Variants in JCAD observed in about 807,000 individuals in gnomAD.
The protein encoded by JCAD is junctional cadherin 5 associated.
JCAD carries 40 observed loss-of-function variants against 98.0 expected under a neutral mutation model. The observed-to-expected ratio is 0.41, with a 90% CI of 0.32 to 0.53. JCAD has a LOEUF of 0.53. JCAD is among the 20% of genes least tolerant of loss of function. JCAD has a pLI of 0.31. For missense variants in JCAD, 1,705 were observed against 1,738.1 expected, an observed-to-expected ratio of 0.98 and a Z score of 0.34; for synonymous variants, 691 against 682.3, an observed-to-expected ratio of 1.01 and a Z score of -0.20.
upstream of JCAD, among the ~76,000 whole-genome samples, chr10:30,063,096 C>T (rs1440282780): frequency 6.6e-6 from 1 of 151,794 alleles, no homozygotes; most frequent in Non-Finnish European, 1.5e-5. Context: ...CTCCCATTTT[C>T]CTGCAATTTG....
chr10:30,029,017 G>A lies in JCAD; in HGVS notation c.1131C>T (p.Thr377=), dbSNP rs780930942. Reference sequence around the variant, plus strand: ...GCTGACCGCTGGCCCCAGCCTTCTCGGTCGGAGACTGCTGTTGACTGTGAC... The same window carrying A: ...GCTGACCGCTGGCCCCAGCCTTCTCAGTCGGAGACTGCTGTTGACTGTGAC... ...CGGHSQQQSP[T]EKAGASGQPP... is the part of the protein sequence containing the mutation. The change falls in exon 3 of 4, where the codon ACC becomes ACT. Residue 377 remains threonine (T), a synonymous_variant. Transcript: ENST00000375377. 40 of 1,613,940 alleles carry A rather than the reference G, an allele frequency of 2.5e-5. No homozygotes were observed. The highest frequency in any genetic ancestry group is 1.3e-4 in the South Asian group (12 of 91,068).
At chr10:30,060,855 A>G (rs1431118143), upstream of JCAD, among the ~76,000 whole-genome samples, 1 of 152,230 alleles carries the variant, frequency 6.6e-6, no homozygotes, top group East Asian at 1.9e-4. Flanking sequence ...CTGAACCACC[A>G]GAGCAAGGTC....
chr10:30,104,586 G>C (rs2132712420), intron 1 of JCAD, among the ~76,000 whole-genome samples: 1 of 152,272 alleles, frequency 6.6e-6, no homozygotes, highest in African/African-American at 2.4e-5. Context: ...GTCCAGGGAG[G>C]AGGGCAAGGG....
intron 3 of JCAD, 82 bp downstream of exon 3, chr10:30,026,021 A>T: frequency 6.7e-7 from 1 of 1,502,612 alleles, no homozygotes; most frequent in South Asian, 1.1e-5. Context: ...GCAGATTTAC[A>T]TTATCCACCA....
At chr10:30,018,293 CTTCT>C (rs980483996) in intron 3 of JCAD, among the ~76,000 whole-genome samples, 7 of 118,418 alleles carry the variant, frequency 5.9e-5, no homozygotes, top group African/African-American at 1.8e-4. Context: ...TCTTCTTCTT[CTTCT>C]TTTTTTTTTT....
chr10:30,113,195 T>C (rs1437172966), intron 1 of JCAD, among the ~76,000 whole-genome samples: 1 of 151,950 alleles, frequency 6.6e-6, no homozygotes, highest in Non-Finnish European at 1.5e-5. Context: ...GCCTCACAAA[T>C]GAGTGGAGAT....
chr10:30,087,283 A>G (rs1811171057), intron 1 of JCAD, among the ~76,000 whole-genome samples: 1 of 152,062 alleles, frequency 6.6e-6, no homozygotes, highest in African/African-American at 2.4e-5. Context: ...CTACAAAAAT[A>G]CAAAAATTAG....
chr10:30,024,834 T>C (rs907734983), intron 3 of JCAD, among the ~76,000 whole-genome samples: 1 of 151,786 alleles, frequency 6.6e-6, no homozygotes, highest in Non-Finnish European at 1.5e-5. Flanking sequence ...TAGCTGAGAC[T>C]ACAGGCGCCC....
chr10:30,054,742 C>T (rs1258067752), intron 1 of JCAD, among the ~76,000 whole-genome samples: 1 of 150,994 alleles, frequency 6.6e-6, no homozygotes, highest in African/African-American at 2.4e-5. Context: ...AATCTCGGCT[C>T]ACTGCAGGCT....
chr10:30,027,508 G>A lies in JCAD; in HGVS notation c.2640C>T (p.Gly880=). The A allele has an allele frequency of 6.2e-7, 1 of 1,610,666 alleles. No homozygotes were observed. The highest frequency in any genetic ancestry group is 1.1e-5 in the South Asian group (1 of 91,078). Residue 880 remains glycine (G), a synonymous_variant, in exon 3 of 4, where the codon GGC becomes GGT. Coordinates refer to ENST00000375377, the MANE Select transcript of JCAD (RefSeq NM_020848.4). ...NRAHCRQEDV[G]FRGNSPEMRV... ...TCATTTCCGGGCTGTTTCCGCGGAA[G>A]CCCACATCCTCCTGTCTGCAGTGAG...
chr10:30,078,568 A>G (rs1838020047), intron 1 of JCAD, among the ~76,000 whole-genome samples: 1 of 152,176 alleles, frequency 6.6e-6, no homozygotes, highest in Non-Finnish European at 1.5e-5. Context: ...ACTGCTTTTG[A>G]GGACAACGAT....
intron 1 of JCAD, among the ~76,000 whole-genome samples, chr10:30,107,509 C>G (rs1434868104): frequency 2.0e-5 from 3 of 152,212 alleles, no homozygotes; most frequent in South Asian, 2.1e-4. Context: ...TTGCCCACCC[C>G]TTTCCTGGAA....
chr10:30,063,608 T>A (rs1025768342), upstream of JCAD, among the ~76,000 whole-genome samples: 3 of 150,978 alleles, frequency 2.0e-5, no homozygotes, highest in East Asian at 1.9e-4. Flanking sequence ...AACGCTCTTT[T>A]AAAAAAAAAA....
chr10:30,085,566 G>A (rs1197167282), intron 1 of JCAD, among the ~76,000 whole-genome samples: 1 of 152,172 alleles, frequency 6.6e-6, no homozygotes, highest in Non-Finnish European at 1.5e-5. Flanking sequence ...GTGATGGGAT[G>A]AAGGAAGAGC....
chr10:30,031,650 C>T (rs1316703809), intron 2 of JCAD, among the ~76,000 whole-genome samples: 1 of 151,532 alleles, frequency 6.6e-6, no homozygotes, highest in Non-Finnish European at 1.5e-5. Context: ...CTATGCTGGC[C>T]AGGCTGGTCT....
chr10:30,098,445 T>TCG (rs1838413164), intron 1 of JCAD, among the ~76,000 whole-genome samples: 1 of 152,162 alleles, frequency 6.6e-6, no homozygotes, highest in Admixed American at 6.5e-5. Context: ...TAGTCACTCT[T>TCG]CGCCCTGCAT....
At chr10:30,033,023 C>G (rs746325588) in intron 2 of JCAD, among the ~76,000 whole-genome samples, 6 of 152,208 alleles carry the variant, frequency 3.9e-5, no homozygotes, top group Non-Finnish European at 7.3e-5. Flanking sequence ...TGGTGCTAAG[C>G]ATGCCAAGTG....
At position 30,067,762 on chromosome 10, in the gene JCAD, A is replaced by C. The variant is rs138971614; in HGVS notation, n.250+1938T>G. 2.0e-5 allele frequency among the ~76,000 whole-genome samples: 3 copies of C among 152,308 alleles called. No homozygotes were observed. In the East Asian group the frequency reaches 5.8e-4, roughly 29 times the overall value. On this transcript the variant is annotated intron_variant and non_coding_transcript_variant, in intron 2 of 2. Coordinates refer to the JCAD transcript ENST00000465712. ...TTTGAAGTACAGTCATGCATCACTTAATGATGAGAATACGTTCTGAGAATT... is the reference window on the plus strand; with the variant it reads ...TTTGAAGTACAGTCATGCATCACTTCATGATGAGAATACGTTCTGAGAATT...
chr10:30,032,617 A>G (rs756226929), intron 2 of JCAD, among the ~76,000 whole-genome samples: 2 of 152,252 alleles, frequency 1.3e-5, no homozygotes, highest in Non-Finnish European at 2.9e-5. Flanking sequence ...ATTGTTGAAA[A>G]TGAATGTTGG....
Sources: allele counts gnomAD v4.1 joint callset (sites outside exome capture counted in the v4.1 genomes callset), GRCh38; gene constraint gnomAD v4.1.1; transcripts MANE v1.5; gene names NCBI Gene and HGNC (gene_info 2026-07-23, HGNC 2026-07-21).